Variants in POU6F1 observed in about 807,000 individuals in gnomAD.
POU6F1 encodes POU domain, class 6, transcription factor 1.
Under a neutral mutation model 28.9 loss-of-function variants are expected in POU6F1, and 9 were observed. The ratio of observed to expected loss-of-function variants is 0.31; its 90% CI spans 0.19 to 0.54. The LOEUF is 0.54. Ranked by LOEUF, POU6F1 falls within the 20% of genes least tolerant of loss-of-function variation. The pLI is 0.94. For missense variants in POU6F1, 338 were observed against 426.1 expected (o/e 0.79, Z 1.82); for synonymous variants, 173 against 171.1 (o/e 1.01, Z -0.09).
At chr12:51,191,898 T>C (rs2137094179) in intron 9 of POU6F1, 134 bp from the exon 10 acceptor site, 1 of 1,090,566 alleles carries the variant, frequency 9.2e-7, no homozygotes, top group Admixed American at 2.0e-5. Context: ...CCTTCAAGAC[T>C]CTTATCACCT....
At chr12:51,198,992 G>A (rs564170836) in intron 4 of POU6F1, among the ~76,000 whole-genome samples, 66 of 152,254 alleles carry the variant, frequency 4.3e-4, no homozygotes, top group Middle Eastern at 3.4e-3. Context: ...CAGAGAAGTC[G>A]CCTAAATCCA....
intron 3 of POU6F1, among the ~76,000 whole-genome samples, chr12:51,200,492 A>G (rs1943136816): frequency 6.6e-6 from 1 of 152,206 alleles, no homozygotes; most frequent in South Asian, 2.1e-4. Flanking sequence ...GTGAGCTTCT[A>G]AATGAATTTC....
chr12:51,192,499 G>A (rs774446591), intron 8 of POU6F1, 28 bp from the exon 9 acceptor site: 2 of 1,606,344 alleles, frequency 1.2e-6, no homozygotes, highest in Non-Finnish European at 1.7e-6. Context: ...ACAAGCCTTT[G>A]CTGCCCTCTG....
chr12:51,209,990 C>G (rs1007545534), intron 1 of POU6F1, among the ~76,000 whole-genome samples: 1 of 152,026 alleles, frequency 6.6e-6, no homozygotes, highest in Admixed American at 6.6e-5. Context: ...TAGGGTCTTG[C>G]TCTGTTGCCC....
intron 8 of POU6F1, among the ~76,000 whole-genome samples, chr12:51,193,343 A>AG (rs34825516): frequency 6.6e-6 from 1 of 152,172 alleles, no homozygotes; most frequent in Non-Finnish European, 1.5e-5. Flanking sequence ...GGGAAGCCAA[A>AG]GGGGGCGGAT....
At position 51,188,696 on chromosome 12, in the gene POU6F1, G is replaced by A. The variant is rs1592128230; in HGVS notation, c.*1551C>T. 1 of 152,316 alleles carries A rather than the reference G, an allele frequency of 6.6e-6. No homozygotes were observed. The highest frequency in any genetic ancestry group is 1.5e-5 in the Non-Finnish European group (1 of 68,098). 9.4% of individuals were successfully genotyped at this position (152,316 alleles called of 1,614,324 possible). A position where few individuals can be genotyped will look rare whatever the true frequency, so the allele number is the denominator to read the frequency against. ...TGGCTCTGCACCAGTGACTGACAGA[G>A]GTGGTGATGTGTCCCCAGCTGACGG... On this transcript the variant is annotated 3_prime_UTR_variant, in exon 11 of 11. Coordinates refer to ENST00000333640, the MANE Select transcript of POU6F1 (RefSeq NM_001330422.2).
At chr12:51,214,625 T>G (rs1179859848) in intron 1 of POU6F1, among the ~76,000 whole-genome samples, 1 of 152,084 alleles carries the variant, frequency 6.6e-6, no homozygotes, top group African/African-American at 2.4e-5. Context: ...GGAAAAAGAA[T>G]GATGAGGTGA....
intron 8 of POU6F1, among the ~76,000 whole-genome samples, chr12:51,194,575 G>A (rs1942680466): frequency 6.6e-6 from 1 of 151,494 alleles, no homozygotes; most frequent in African/African-American, 2.4e-5. Flanking sequence ...TAGGAGCAGA[G>A]GTTGCAGTGA....
At position 51,190,010 on chromosome 12, in the gene POU6F1, T is replaced by C; in HGVS notation, c.*237A>G. ...CTAAGTGACGTCACAAATCCTCTTC[T>C]TCGGAGTGACCAGCCCAGAGCCTGG... On this transcript the variant is annotated 3_prime_UTR_variant, in exon 11 of 11. Coordinates refer to ENST00000333640, the MANE Select transcript of POU6F1 (RefSeq NM_001330422.2). This position sits in a 1 kb window ranked among gnomAD's most constrained non-coding sequence, Gnocchi z 4.5. 1.5e-6 allele frequency: 1 copy of C among 659,314 alleles called. No homozygotes were observed. The highest frequency in any genetic ancestry group is 2.1e-5 in the South Asian group (1 of 47,946). The allele number at this position is 659,314 out of a possible 1,614,324, so 40.8% of individuals were successfully genotyped here.
At chr12:51,201,649 A>C (rs149661860) in intron 3 of POU6F1, 20 of 152,294 alleles carry the variant, frequency 1.3e-4, no homozygotes, top group African/African-American at 3.6e-4. Context: ...AGAAAATGGG[A>C]AAGTGACAAA....
intron 1 of POU6F1, among the ~76,000 whole-genome samples, chr12:51,212,186 C>G (rs547218886): frequency 6.6e-6 from 1 of 151,984 alleles, no homozygotes. Context: ...CTCCGCCTCC[C>G]GGGTTCAGGT....
chr12:51,204,469 G>A (rs1227050785), intron 2 of POU6F1, 101 bp from the exon 3 acceptor site: 1 of 397,608 alleles, frequency 2.5e-6, no homozygotes, highest in African/African-American at 2.1e-5. Context: ...GGGCACCTCT[G>A]GATGCAGACC....
At position 51,212,062 on chromosome 12, in the gene POU6F1, GTT is replaced by G. The variant is rs747221114; in HGVS notation, c.-47-5181_-47-5180del. ...GAAATCCTGAAATGCCTTGCCTTTC[GTT>G]TTTTTTTTTGTTTTTTTTGTTTTGT... On this transcript the variant is annotated intron_variant, in intron 1 of 10. Coordinates refer to ENST00000333640, the MANE Select transcript of POU6F1 (RefSeq NM_001330422.2). 7.4e-3 allele frequency among the ~76,000 whole-genome samples: 1,030 copies of G among 138,598 alleles called. 13 individuals carry two copies. Among genetic ancestry groups the G allele is most frequent in the African/African-American group, 0.024 (968 of 39,710 alleles). 90.9% of individuals were successfully genotyped at this position (138,598 alleles called of 152,430 possible).
chr12:51,198,065 C>T (rs1942958031), intron 5 of POU6F1, 42 bp from the exon 6 acceptor site: 1 of 398,972 alleles, frequency 2.5e-6, no homozygotes, highest in South Asian at 1.3e-4. Flanking sequence ...AATGCCTAGC[C>T]ACTGCTCACA....
intron 3 of POU6F1, among the ~76,000 whole-genome samples, chr12:51,200,931 G>C (rs117427833): frequency 6.6e-6 from 1 of 152,108 alleles, no homozygotes; most frequent in Non-Finnish European, 1.5e-5. Context: ...GACCTCAAGT[G>C]ATGTGCCCGC....
At chr12:51,212,062 G>GTT (rs747221114) in intron 1 of POU6F1, among the ~76,000 whole-genome samples, 1 of 138,552 alleles carries the variant, frequency 7.2e-6, no homozygotes, top group Non-Finnish European at 1.6e-5. Flanking sequence ...CTTGCCTTTC[G>GTT]TTTTTTTTTT....
At chr12:51,197,320 G>A (rs1040793118) in intron 6 of POU6F1, among the ~76,000 whole-genome samples, 3 of 152,136 alleles carry the variant, frequency 2.0e-5, no homozygotes, top group Non-Finnish European at 2.9e-5. Flanking sequence ...AAAGTAACTC[G>A]GGTTAATCTT....
intron 2 of POU6F1, among the ~76,000 whole-genome samples, chr12:51,206,119 T>G (rs1359539079): frequency 6.8e-6 from 1 of 147,760 alleles, no homozygotes; most frequent in South Asian, 2.2e-4. Context: ...GTGCCTGGCC[T>G]TTTTTTCTCC....
At chr12:51,212,776 CAAAAAAAAAA>C (rs1176606531) in intron 1 of POU6F1, among the ~76,000 whole-genome samples, 1 of 37,700 alleles carries the variant, frequency 2.7e-5, no homozygotes, top group Non-Finnish European at 4.2e-5. Flanking sequence ...AACTCCGTCT[CAAAAAAAAAA>C]AAAAAAAAAA....
Sources: gnomAD v4.1 joint callset for allele counts (sites outside exome capture counted in the v4.1 genomes callset) on GRCh38, gnomAD v4.1.1 for gene constraint, Gnocchi (gnomAD v3.1) non-coding constraint, MANE v1.5 for transcripts, NCBI Gene and HGNC (gene_info 2026-07-23, HGNC 2026-07-21) for gene names.